TBC1D16: variants seen among roughly 807,000 people sequenced by gnomAD.
TBC1D16 encodes CTD-2529O21.1.
In TBC1D16, 58 loss-of-function variants were observed where a neutral mutation model predicts 74.7. That is an observed-to-expected ratio of 0.78 (90% CI 0.63 to 0.97). The LOEUF is 0.97. TBC1D16 is among the 50% of genes least tolerant of loss of function. TBC1D16 has a pLI of 0.00. For synonymous variants in TBC1D16, 493 were observed against 474.7 expected (o/e 1.04, Z -0.50); for missense variants, 1,014 against 1,079.5 (o/e 0.94, Z 0.85).
chr17:80,028,627 AT>A (rs139546060), intron 1 of TBC1D16, among the ~76,000 whole-genome samples: 126 of 142,118 alleles, frequency 8.9e-4, no homozygotes, highest in Admixed American at 8.5e-4. Context: ...TGACCAGTTG[AT>A]TTTTTTTTTT....
At position 79,933,122 on chromosome 17, in the gene TBC1D16, C is replaced by G. The variant is rs1301150015; in HGVS notation, c.*7737G>C. ...GGAGGAGCCACCACTTCCGAAGCAT[C>G]AGAATGTCAAAATCTAAGTTTTCCA... On this transcript the variant is annotated 3_prime_UTR_variant, in exon 12 of 12. Coordinates refer to ENST00000310924, the MANE Select transcript of TBC1D16 (RefSeq NM_019020.4). The G allele has an allele frequency of 1.3e-5, 2 of 152,284 alleles. No homozygotes were observed. Among genetic ancestry groups the G allele is most frequent in the African/African-American group, 4.8e-5 (2 of 41,438 alleles). 9.4% of individuals were successfully genotyped at this position (152,284 alleles called of 1,614,324 possible). A position where few individuals can be genotyped will look rare whatever the true frequency, so the allele number is the denominator to read the frequency against.
chr17:79,946,614 C>A (rs1338365095), intron 9 of TBC1D16, among the ~76,000 whole-genome samples: 1 of 152,022 alleles, frequency 6.6e-6, no homozygotes, highest in Non-Finnish European at 1.5e-5. Flanking sequence ...GGTGGGGACC[C>A]CATTCTGAGA....
chr17:80,024,252 T>C (rs560430961), intron 1 of TBC1D16, among the ~76,000 whole-genome samples: 2 of 78,352 alleles, frequency 2.6e-5, no homozygotes, highest in South Asian at 3.3e-4. Context: ...CCATGCCTGC[T>C]GCTCCCACCC....
At chr17:79,960,296 T>C (rs1486621298) in intron 3 of TBC1D16, among the ~76,000 whole-genome samples, 1 of 152,084 alleles carries the variant, frequency 6.6e-6, no homozygotes, top group Admixed American at 6.5e-5. Flanking sequence ...GGGCAAAAGA[T>C]TTGAAAAGAC....
At position 79,950,820 on chromosome 17, in the gene TBC1D16, C is replaced by G; in HGVS notation, c.1090-242G>C. On this transcript the variant is annotated intron_variant, in intron 5 of 11. Transcript: ENST00000310924. This position sits in a 1 kb window ranked among gnomAD's most constrained non-coding sequence, Gnocchi z 4.6. ...CCCCGGCCCACTGTGCCGCCGCCCC[C>G]CACTCTCTCCAACCCCAGCCGCAAA... 2 of 1,535,066 alleles carry G rather than the reference C, an allele frequency of 1.3e-6. No homozygotes were observed. Among genetic ancestry groups the G allele is most frequent in the East Asian group, 2.4e-5 (1 of 40,896 alleles).
rs750878015 is a variant in TBC1D16 at position 80,010,137 on chromosome 17, C to T, written c.779+23G>A. 2.5e-6 allele frequency: 4 copies of T among 1,586,178 alleles called. No individual in the cohort carries two copies. Among genetic ancestry groups the T allele is most frequent in the Non-Finnish European group, 3.4e-6 (4 of 1,164,600 alleles). On this transcript the variant is annotated intron_variant, in intron 3 of 11. Coordinates refer to ENST00000310924, the MANE Select transcript of TBC1D16 (RefSeq NM_019020.4). The surrounding 1 kb of genome is among the most constrained non-coding windows in gnomAD (Gnocchi z 8.8). ...AGGCCTTGGGGGCCTCCCGAGAGCC[C>T]ACGCCCAGAACCAGGAACTCACCTG... is the stretch of plus-strand genomic sequence containing the variant.
intron 3 of TBC1D16, among the ~76,000 whole-genome samples, chr17:79,967,539 G>A (rs150850920): frequency 7.9e-5 from 12 of 152,166 alleles, no homozygotes; most frequent in East Asian, 3.9e-4. Context: ...CACAATACAC[G>A]TACACACACA....
At chr17:79,951,398 G>A (rs901691979) in intron 5 of TBC1D16, 52 bp downstream of exon 5, 3 of 1,589,726 alleles carry the variant, frequency 1.9e-6, no homozygotes, top group Non-Finnish European at 2.6e-6. Context: ...GGGGCCCGTG[G>A]GGGGTGGGGA....
In TBC1D16 at chr17:79,954,125, G is replaced by A. The variant is rs2033220310; in HGVS notation, c.780-1307C>T. On this transcript the variant is annotated intron_variant, in intron 3 of 11. Coordinates refer to ENST00000310924, the MANE Select transcript of TBC1D16 (RefSeq NM_019020.4). The surrounding 1 kb of genome is among the most constrained non-coding windows in gnomAD (Gnocchi z 5.5). The stretch of plus-strand genomic sequence containing the variant: ...CTGCTAAAATAAAACCGGAGTACAG[G>A]CAAGACTCAGCTCTGGACCCCAACT... Among the ~76,000 whole-genome samples, 2 of 152,120 alleles carry A rather than the reference G, an allele frequency of 1.3e-5. No individual in the cohort carries two copies. The highest frequency in any genetic ancestry group is 6.6e-5 in the Admixed American group (1 of 15,262).
Position 79,971,552 on chromosome 17 carries a change from C to T in TBC1D16, c.780-18734G>A, listed in dbSNP as rs868700358. Among the ~76,000 whole-genome samples the T allele has an allele frequency of 3.3e-5, 5 of 152,144 alleles. No individual in the cohort carries two copies. The South Asian group carries it at 8.3e-4, about 25-fold the overall frequency. On this transcript the variant is annotated intron_variant, in intron 3 of 11. Transcript: ENST00000310924. This position sits in a 1 kb window ranked among gnomAD's most constrained non-coding sequence, Gnocchi z 4.6. ...TTTACACACACTTGAAGGTATCTTC[C>T]CATGTTGCTGGTAGACACCATTTTG...
chr17:80,002,623 G>T (rs901933191), intron 3 of TBC1D16, among the ~76,000 whole-genome samples: 1 of 152,218 alleles, frequency 6.6e-6, no homozygotes, highest in Non-Finnish European at 1.5e-5. Flanking sequence ...TGGGAGGGTC[G>T]CTACGTTTCT....
At chr17:80,027,228 C>T (rs531904286) in intron 1 of TBC1D16, among the ~76,000 whole-genome samples, 61 of 152,218 alleles carry the variant, frequency 4.0e-4, no homozygotes, top group African/African-American at 1.4e-3. Flanking sequence ...TTCGGGAGTC[C>T]GAGGTGGGCG....
At position 79,935,693 on chromosome 17, in the gene TBC1D16, G is replaced by A. The variant is rs1250810501; in HGVS notation, c.*5166C>T. 1 of 152,312 alleles carries A rather than the reference G, an allele frequency of 6.6e-6. No homozygotes were observed. The highest frequency in any genetic ancestry group is 1.5e-5 in the Non-Finnish European group (1 of 68,124). The allele number at this position is 152,312 out of a possible 1,614,324, so 9.4% of individuals were successfully genotyped here. On this transcript the variant is annotated 3_prime_UTR_variant, in exon 12 of 12. Coordinates refer to ENST00000310924, the MANE Select transcript of TBC1D16 (RefSeq NM_019020.4). The stretch of plus-strand genomic sequence containing the variant: ...GAGCCGGAAGCATCGTTGGGGCCGT[G>A]GCTAGCAGAGCTCATGGTGACCAGT...
At chr17:80,003,747 T>C (rs1170486763) in intron 3 of TBC1D16, among the ~76,000 whole-genome samples, 1 of 152,054 alleles carries the variant, frequency 6.6e-6, no homozygotes, top group Non-Finnish European at 1.5e-5. Context: ...CCACAGGCGC[T>C]ATCCACATTT....
chr17:80,013,568 C>T lies in TBC1D16; in HGVS notation c.-21G>A. On this transcript the variant is annotated 5_prime_UTR_variant, in exon 2 of 12. Coordinates refer to ENST00000310924, the MANE Select transcript of TBC1D16 (RefSeq NM_019020.4). ...GACATTGCCGGGCAAGTGTTTCCAT[C>T]CTCCGCATGCGTCGGCCCGGGCAGG... 1 of 1,475,566 alleles carries T rather than the reference C, an allele frequency of 6.8e-7. No individual in the cohort carries two copies. The highest frequency in any genetic ancestry group is 9.0e-7 in the Non-Finnish European group (1 of 1,109,904). The allele number at this position is 1,475,566 out of a possible 1,614,324, so 91.4% of individuals were successfully genotyped here.
intron 8 of TBC1D16, 51 bp downstream of exon 8, chr17:79,948,821 T>C: frequency 4.3e-6 from 7 of 1,611,594 alleles, no homozygotes; most frequent in South Asian, 1.1e-5. Flanking sequence ...AGCGGTCAGG[T>C]GAGGCTTGCA....
In TBC1D16 at chr17:80,007,518, C is replaced by T. The variant is rs544464245; in HGVS notation, c.779+2642G>A. 1.2e-3 allele frequency among the ~76,000 whole-genome samples: 188 copies of T among 152,264 alleles called. No individual in the cohort carries two copies. The highest frequency in any genetic ancestry group is 4.2e-3 in the African/African-American group (173 of 41,556). On this transcript the variant is annotated intron_variant, in intron 3 of 11. Transcript: ENST00000310924. The surrounding 1 kb of genome is among the most constrained non-coding windows in gnomAD (Gnocchi z 4.5). The stretch of plus-strand genomic sequence containing the variant: ...CCATCTGCCTCCCAGCAGCTGGGGA[C>T]GGACAGGCGGACAGGGTGTCTCAGT...
Position 79,933,087 on chromosome 17 carries a change from G to T in TBC1D16, c.*7772C>A, listed in dbSNP as rs2031356575. Reference sequence around the variant, plus strand: ...GAGAGGAGGCCCACAGGTGGCGGAGGGGTGAAGGAGGAGGAGCCACCACTT... The same window carrying T: ...GAGAGGAGGCCCACAGGTGGCGGAGTGGTGAAGGAGGAGGAGCCACCACTT... On this transcript the variant is annotated 3_prime_UTR_variant, in exon 12 of 12. Transcript: ENST00000310924. 1 of 152,242 alleles carries T rather than the reference G, an allele frequency of 6.6e-6. No homozygotes were observed. Among genetic ancestry groups the T allele is most frequent in the East Asian group, 1.9e-4 (1 of 5,198 alleles). 9.4% of individuals were successfully genotyped at this position (152,242 alleles called of 1,614,324 possible).
In TBC1D16 at chr17:79,951,593, C is replaced by A. The variant is rs777334677; in HGVS notation, c.946G>T (p.Glu316Ter). ...MRSLRLFFSDEACTSGQLVVA... is the reference protein window; with the variant it reads ...MRSLRLFFSD ...ACCAGCTGGCCGCTGGTGCAGGCCT[C>A]GTCGCTGAAGGGCCATTGGAAGGGG... Residue 316 changes from glutamate (E) to a stop codon, truncating the protein, a stop_gained, in exon 5 of 12, where the codon GAG (glutamate) becomes TAG (stop). Coordinates refer to ENST00000310924, the MANE Select transcript of TBC1D16 (RefSeq NM_019020.4). LOFTEE classifies it high-confidence loss of function. 1 of 1,612,748 alleles carries A rather than the reference C, an allele frequency of 6.2e-7. No individual in the cohort carries two copies. The highest frequency in any genetic ancestry group is 8.5e-7 in the Non-Finnish European group (1 of 1,179,408).
Sources: allele counts gnomAD v4.1 joint callset (sites outside exome capture counted in the v4.1 genomes callset), GRCh38; gene constraint gnomAD v4.1.1; non-coding constraint Gnocchi (gnomAD v3.1); transcripts MANE v1.5; gene names NCBI Gene and HGNC (gene_info 2026-07-23, HGNC 2026-07-21).